Variants in NPAS3 observed in about 807,000 individuals in gnomAD.
The protein encoded by NPAS3 is neuronal PAS domain-containing protein 3.
Under a neutral mutation model 73.1 loss-of-function variants are expected in NPAS3, and 14 were observed. The ratio of observed to expected loss-of-function variants is 0.19; its 90% CI spans 0.13 to 0.30. The LOEUF is 0.30. Ranked by LOEUF, NPAS3 falls within the 10% of genes least tolerant of loss-of-function variation. The pLI, the probability that NPAS3 is intolerant of heterozygous loss-of-function variation, is 1.00. For synonymous variants in NPAS3, 620 were observed against 541.5 expected, an observed-to-expected ratio of 1.14 and a Z score of -2.01; for missense variants, 1,096 against 1,250.0, an observed-to-expected ratio of 0.88 and a Z score of 1.86.
Position 33,614,255 on chromosome 14 carries a change from T to A in NPAS3, c.558+54045T>A, listed in dbSNP as rs529629059. Reference sequence around the variant, plus strand: ...CTGAGTTAGGGTGCTTATTAAGTTATCTTTCTTGATATCTCATAGAGGCCC... The same window carrying A: ...CTGAGTTAGGGTGCTTATTAAGTTAACTTTCTTGATATCTCATAGAGGCCC... On this transcript the variant is annotated intron_variant, in intron 5 of 11. Coordinates refer to ENST00000356141, the Ensembl canonical transcript of NPAS3. 1.7e-4 allele frequency among the ~76,000 whole-genome samples: 26 copies of A among 152,340 alleles called. 1 individual carries two copies. In the South Asian group the frequency reaches 5.4e-3, roughly 32 times the overall value.
intron 4 of NPAS3, among the ~76,000 whole-genome samples, chr14:33,547,307 T>A (rs2054892565): frequency 6.6e-6 from 1 of 152,084 alleles, no homozygotes; most frequent in Non-Finnish European, 1.5e-5. Context: ...TCTGACTTGT[T>A]GGGAAGGGTC....
At chr14:33,801,243 C>T (rs1229257926), downstream of NPAS3, 2 of 1,450,502 alleles carry the variant, frequency 1.4e-6, no homozygotes, top group Non-Finnish European at 1.8e-6. Context: ...GTCCCCATTC[C>T]ACCCCCTCTT....
chr14:33,363,927 T>TGTGTGC (rs1379444766), intron 3 of NPAS3, among the ~76,000 whole-genome samples: 1 of 151,070 alleles, frequency 6.6e-6, no homozygotes, highest in African/African-American at 2.4e-5. Context: ...GCCCTCTGTG[T>TGTGTGC]GTGTGTGTGT....
At chr14:33,567,137 G>C (rs796582125) in intron 5 of NPAS3, among the ~76,000 whole-genome samples, 1 of 152,132 alleles carries the variant, frequency 6.6e-6, no homozygotes, top group South Asian at 2.1e-4. Context: ...TACAATTCTT[G>C]ATTAGCCACT....
intron 1 of NPAS3, among the ~76,000 whole-genome samples, chr14:32,965,340 C>T (rs1354471140): frequency 6.6e-6 from 1 of 152,162 alleles, no homozygotes; most frequent in Non-Finnish European, 1.5e-5. Flanking sequence ...TTCAACAGCA[C>T]ATCTAAAAGT....
chr14:33,632,608 C>T (rs1451892030), intron 5 of NPAS3, among the ~76,000 whole-genome samples: 2 of 152,112 alleles, frequency 1.3e-5, no homozygotes, highest in African/African-American at 4.8e-5. Flanking sequence ...ATGGTTTGGG[C>T]CTTTTCACCT....
chr14:33,198,381 AT>A (rs1463455104), intron 2 of NPAS3, among the ~76,000 whole-genome samples: 15 of 152,162 alleles, frequency 9.9e-5, no homozygotes, highest in Admixed American at 9.8e-4. Flanking sequence ...TGATTGGTCC[AT>A]TTTGACAGGG....
intron 3 of NPAS3, among the ~76,000 whole-genome samples, chr14:33,239,003 G>T (rs2048129600): frequency 6.6e-6 from 1 of 151,924 alleles, no homozygotes; most frequent in African/African-American, 2.4e-5. Context: ...GGTTATGTCA[G>T]TCATAAAAAA....
intron 3 of NPAS3, among the ~76,000 whole-genome samples, chr14:33,298,826 A>AT (rs2042410740): frequency 6.6e-6 from 1 of 152,216 alleles, no homozygotes; most frequent in Admixed American, 6.5e-5. Context: ...ACTAAACAGA[A>AT]TATCTGGAAT....
At chr14:33,525,981 G>A (rs1196588739) in intron 4 of NPAS3, among the ~76,000 whole-genome samples, 1 of 152,082 alleles carries the variant, frequency 6.6e-6, no homozygotes, top group East Asian at 1.9e-4. Context: ...AGGTAAGTTA[G>A]GGGAAAAAAT....
chr14:33,534,971 A>G (rs1036976463), intron 4 of NPAS3, among the ~76,000 whole-genome samples: 5 of 152,172 alleles, frequency 3.3e-5, no homozygotes, highest in Admixed American at 2.0e-4. Flanking sequence ...TCATCATAAG[A>G]GGAACATATT....
chr14:33,150,371 G>A (rs1231166827), intron 2 of NPAS3, among the ~76,000 whole-genome samples: 2 of 152,192 alleles, frequency 1.3e-5, no homozygotes, highest in African/African-American at 4.8e-5. Flanking sequence ...TGAACCTAAA[G>A]ACTCAAGCAA....
intron 5 of NPAS3, among the ~76,000 whole-genome samples, chr14:33,617,952 C>T (rs564405654): frequency 3.3e-5 from 5 of 152,104 alleles, no homozygotes; most frequent in African/African-American, 9.7e-5. Flanking sequence ...CTAGTAACTG[C>T]GTAGGAACTC....
intron 2 of NPAS3, among the ~76,000 whole-genome samples, chr14:33,206,225 G>A (rs2046818556): frequency 6.6e-6 from 1 of 152,144 alleles, no homozygotes. Context: ...TTGCACATTA[G>A]TGATAAGGAC....
intron 4 of NPAS3, among the ~76,000 whole-genome samples, chr14:33,455,316 G>A (rs771243342): frequency 6.6e-6 from 1 of 152,120 alleles, no homozygotes; most frequent in South Asian, 2.1e-4. Flanking sequence ...TTGGGGGGTG[G>A]GTAGAAGCCA....
intron 4 of NPAS3, among the ~76,000 whole-genome samples, chr14:33,494,295 G>A (rs1167904844): frequency 1.3e-5 from 2 of 152,120 alleles, no homozygotes; most frequent in Non-Finnish European, 2.9e-5. Flanking sequence ...AAGGATGCTT[G>A]TGTTATTTTA....
At chr14:33,463,911 C>T (rs2050386659) in intron 4 of NPAS3, among the ~76,000 whole-genome samples, 1 of 152,094 alleles carries the variant, frequency 6.6e-6, no homozygotes, top group African/African-American at 2.4e-5. Flanking sequence ...GTTTTTGTGG[C>T]TTGTGGTCAG....
At chr14:33,417,192 A>G (rs531336773) in intron 4 of NPAS3, among the ~76,000 whole-genome samples, 1 of 152,144 alleles carries the variant, frequency 6.6e-6, no homozygotes, top group African/African-American at 2.4e-5. Flanking sequence ...ATTGCCTCTG[A>G]TAGCTAGAAA....
intron 2 of NPAS3, among the ~76,000 whole-genome samples, chr14:33,157,907 T>C (rs1278482988): frequency 1.3e-5 from 2 of 152,192 alleles, no homozygotes; most frequent in African/African-American, 4.8e-5. Flanking sequence ...TACACGAAGA[T>C]GACATGAAGA....
Sources: gnomAD v4.1 joint callset for allele counts (sites outside exome capture counted in the v4.1 genomes callset) on GRCh38, gnomAD v4.1.1 for gene constraint, MANE v1.5 for transcripts, NCBI Gene and HGNC (gene_info 2026-07-23, HGNC 2026-07-21) for gene names.